Variants in LINS1 observed in about 807,000 individuals in gnomAD.
LINS1 encodes protein Lines homolog 1.
In LINS1, 27 loss-of-function variants were observed where a neutral mutation model predicts 41.6. That is an observed-to-expected ratio of 0.65 (90% CI 0.48 to 0.89). LINS1 has a LOEUF of 0.89. Among genes scored for constraint, LINS1 ranks in the 40% least tolerant of loss-of-function variants. The pLI is 0.00. For missense variants in LINS1, 955 were observed against 884.1 expected (o/e 1.08, Z -1.02); for synonymous variants, 336 against 312.9 (o/e 1.07, Z -0.78).
chr15:100,582,531 C>T (rs1444139666), intron 1 of LINS1, among the ~76,000 whole-genome samples: 4 of 133,102 alleles, frequency 3.0e-5, no homozygotes, highest in East Asian at 2.6e-4. Flanking sequence ...CTTGGTCTTA[C>T]ACTGGGTCTT....
rs183469562 is a variant in LINS1, at chr15:100,580,178, A to G, written c.489+85T>C. 8.5e-5 allele frequency: 88 copies of G among 1,040,442 alleles called. No individual in the cohort carries two copies. The African/African-American group carries it at 1.3e-3, about 15-fold the overall frequency. 64.5% of individuals were successfully genotyped at this position (1,040,442 alleles called of 1,614,324 possible). A position where few individuals can be genotyped will look rare whatever the true frequency, so the allele number is the denominator to read the frequency against. ...AGTTTGAGATCAGATTGGGCAACACAGTGAGACCTTGTCTCCACAAAACAT... is the reference window on the plus strand; with the variant it reads ...AGTTTGAGATCAGATTGGGCAACACGGTGAGACCTTGTCTCCACAAAACAT... On this transcript the variant is annotated intron_variant, in intron 3 of 6. Transcript: ENST00000314742.
chr15:100,589,085 C>G (rs941114866), intron 1 of LINS1, among the ~76,000 whole-genome samples: 2 of 152,110 alleles, frequency 1.3e-5, no homozygotes, highest in Non-Finnish European at 2.9e-5. Context: ...AATTAAAACC[C>G]CAAACTTATC....
At chr15:100,575,189 T>C in intron 3 of LINS1, 61 bp from the exon 4 acceptor site, 2 of 1,414,686 alleles carry the variant, frequency 1.4e-6, no homozygotes, top group South Asian at 2.3e-5. Flanking sequence ...ATAATACAAC[T>C]GTATACAACA....
At chr15:100,577,634 A>C (rs2038263523) in intron 3 of LINS1, among the ~76,000 whole-genome samples, 1 of 152,236 alleles carries the variant, frequency 6.6e-6, no homozygotes, top group Admixed American at 6.5e-5. Flanking sequence ...ATCCCCATCA[A>C]GCTACCAATG....
In LINS1 at chr15:100,580,476, G is replaced by T. The variant is rs749200019; in HGVS notation, c.367C>A (p.Leu123Ile). 3 of 1,613,974 alleles carry T rather than the reference G, an allele frequency of 1.9e-6. No homozygotes were observed. The highest frequency in any genetic ancestry group is 2.2e-5 in the South Asian group (2 of 91,084). The change falls in exon 2 of 7, where the codon CTC becomes ATC. Residue 123 changes from leucine (L) to isoleucine (I), a missense_variant. By Grantham distance (5) the Leu-to-Ile change is conservative. Transcript: ENST00000314742. The stretch of plus-strand genomic sequence containing the variant: ...GAATCGACTTTGGCTGATTCTAAGA[G>T]AATTTTAATTACATCTCTGTACTGC... Reference protein sequence around the residue: ...KEQYRDVIKILLESAKVDSKL... With the variant: ...KEQYRDVIKIILESAKVDSKL...
intron 1 of LINS1, among the ~76,000 whole-genome samples, chr15:100,599,619 T>C (rs1486212029): frequency 1.3e-5 from 2 of 152,254 alleles, no homozygotes; most frequent in Non-Finnish European, 2.9e-5. Context: ...CCGAGTCTGC[T>C]ATAAGAATGA....
chr15:100,597,992 T>G (rs1276098117), intron 1 of LINS1, among the ~76,000 whole-genome samples: 1 of 152,262 alleles, frequency 6.6e-6, no homozygotes, highest in Non-Finnish European at 1.5e-5. Context: ...TTATTAACCT[T>G]GAAAGGTTCC....
intron 1 of LINS1, among the ~76,000 whole-genome samples, chr15:100,587,301 G>C (rs186243815): frequency 1.3e-5 from 2 of 152,030 alleles, no homozygotes; most frequent in Admixed American, 1.3e-4. Flanking sequence ...TGCATGGATA[G>C]TGCCGGCACT....
At chr15:100,578,304 C>T in intron 3 of LINS1, among the ~76,000 whole-genome samples, 1 of 152,084 alleles carries the variant, frequency 6.6e-6, no homozygotes, top group Non-Finnish European at 1.5e-5. Context: ...CCAGAATCTA[C>T]AAATAACTCA....
rs1489581391 is a variant in LINS1 at position 100,580,764 on chromosome 15, C to T, written c.79G>A (p.Asp27Asn). 5 of 1,609,414 alleles carry T rather than the reference C, an allele frequency of 3.1e-6. No individual in the cohort carries two copies. Among genetic ancestry groups the T allele is most frequent in the Non-Finnish European group, 3.4e-6 (4 of 1,176,610 alleles). The change falls in exon 2 of 7, where the codon GAT (aspartate) becomes AAT (asparagine). Residue 27 changes from aspartate to asparagine, a missense_variant. Transcript: ENST00000314742. ...LGATLENDSH[D>N]YIFYLNPAVS... Reference sequence around the variant, plus strand: ...GCTGGGTTGAGATAAAAGATGTAATCATGGCTGTCATTTTCAAGTGTGGCT... The same window carrying T: ...GCTGGGTTGAGATAAAAGATGTAATTATGGCTGTCATTTTCAAGTGTGGCT...
At chr15:100,593,455 A>G (rs1228482121) in intron 1 of LINS1, among the ~76,000 whole-genome samples, 1 of 151,536 alleles carries the variant, frequency 6.6e-6, no homozygotes, top group African/African-American at 2.4e-5. Context: ...CATACTTCCC[A>G]CCCATCTTCA....
chr15:100,596,677 G>A (rs2039260397), intron 1 of LINS1, among the ~76,000 whole-genome samples: 1 of 152,120 alleles, frequency 6.6e-6, no homozygotes, highest in African/African-American at 2.4e-5. Flanking sequence ...GAAAAATCAA[G>A]CTGCAAGCAT....
intron 1 of LINS1, among the ~76,000 whole-genome samples, chr15:100,583,313 T>C (rs1282982203): frequency 6.6e-6 from 1 of 152,282 alleles, no homozygotes; most frequent in Non-Finnish European, 1.5e-5. Context: ...TGGTCTTTAA[T>C]GGCTGGCTTC....
intron 3 of LINS1, among the ~76,000 whole-genome samples, chr15:100,575,913 C>T (rs186010821): frequency 0.017 from 2,554 of 152,292 alleles, 72 homozygotes; most frequent in African/African-American, 0.059. Context: ...ACAACCTGCT[C>T]CTGAATGACT....
intron 1 of LINS1, among the ~76,000 whole-genome samples, chr15:100,600,044 C>T (rs113550916): frequency 0.018 from 2,716 of 152,072 alleles, 43 homozygotes; most frequent in Middle Eastern, 0.034. Context: ...CCAGCCTGGG[C>T]GACAGAGGGA....
At chr15:100,598,829 G>A (rs996058787) in intron 1 of LINS1, among the ~76,000 whole-genome samples, 1 of 152,146 alleles carries the variant, frequency 6.6e-6, no homozygotes, top group Non-Finnish European at 1.5e-5. Context: ...GACACAACCT[G>A]CTGGCCCAGA....
At chr15:100,590,436 C>T (rs1186777281) in intron 1 of LINS1, among the ~76,000 whole-genome samples, 1 of 152,014 alleles carries the variant, frequency 6.6e-6, no homozygotes, top group African/African-American at 2.4e-5. Context: ...CCTCTTAACC[C>T]ATATCCCAAG....
chr15:100,586,562 T>A (rs888631378), intron 1 of LINS1, among the ~76,000 whole-genome samples: 1 of 152,232 alleles, frequency 6.6e-6, no homozygotes, highest in Non-Finnish European at 1.5e-5. Context: ...ACACAAGTTT[T>A]AGGTTACTAA....
intron 6 of LINS1, among the ~76,000 whole-genome samples, chr15:100,571,141 A>G (rs190885076): frequency 6.6e-5 from 10 of 152,366 alleles, no homozygotes; most frequent in Admixed American, 6.5e-4. Flanking sequence ...AGAGTCTAAG[A>G]GCAGCCATTG....
Sources: allele counts gnomAD v4.1 joint callset (sites outside exome capture counted in the v4.1 genomes callset), GRCh38; gene constraint gnomAD v4.1.1; transcripts MANE v1.5; gene names NCBI Gene and HGNC (gene_info 2026-07-23, HGNC 2026-07-21).